NCOR2: variants seen among roughly 807,000 people sequenced by gnomAD.
NCOR2 encodes the protein CTG repeat protein 26.
A neutral mutation model predicts 262.9 loss-of-function variants in NCOR2; 81 were observed. The observed-to-expected ratio is 0.31, with a 90% confidence interval of 0.26 to 0.37. The LOEUF is 0.37. Ranked by LOEUF, NCOR2 falls within the 10% of genes least tolerant of loss-of-function variation. The probability of loss-of-function intolerance (pLI) is 1.00; values close to 1 mark genes in which losing one functional copy is unlikely to be tolerated. For synonymous variants in NCOR2, 1,659 were observed against 1,559.3 expected (o/e 1.06, Z -1.51); for missense variants, 3,385 against 3,621.4 (o/e 0.93, Z 1.68).
chr12:124,518,254 C>G (rs1241166048), intron 1 of NCOR2: 5 of 152,656 alleles, frequency 3.3e-5, no homozygotes, highest in Non-Finnish European at 5.9e-5. Flanking sequence ...CAGCAGAGTC[C>G]ACACACACAG....
At chr12:124,461,682 C>G (rs1464893615) in intron 5 of NCOR2, among the ~76,000 whole-genome samples, 1 of 152,262 alleles carries the variant, frequency 6.6e-6, no homozygotes, top group African/African-American at 2.4e-5. Context: ...ACCCGCCCCA[C>G]ACCCGCCATC....
chr12:124,494,708 T>TA (rs2136902286), intron 1 of NCOR2, among the ~76,000 whole-genome samples: 1 of 152,124 alleles, frequency 6.6e-6, no homozygotes, highest in East Asian at 1.9e-4. Flanking sequence ...CCAAGGTGAA[T>TA]ACACACGGAA....
rs2035959893 is a variant in NCOR2 at position 124,337,189 on chromosome 12, G to A, written c.5688-9C>T. On this transcript the variant is annotated splice_polypyrimidine_tract_variant and intron_variant, in intron 37 of 46. Coordinates refer to ENST00000405201, the Ensembl canonical transcript of NCOR2. ...AGGAGGTGGAGGTGGACCTGGGGGAGGAGAGAAGGCGGTCAGGCAGTCATG... is the reference window on the plus strand; with the variant it reads ...AGGAGGTGGAGGTGGACCTGGGGGAAGAGAGAAGGCGGTCAGGCAGTCATG... 6.5e-7 allele frequency: 1 copy of A among 1,545,146 alleles called. No individual in the cohort carries two copies. Among genetic ancestry groups the A allele is most frequent in the South Asian group, 1.2e-5 (1 of 83,502 alleles).
intron 1 of NCOR2, among the ~76,000 whole-genome samples, chr12:124,544,077 TCTGCCCGGCACCCC>T (rs1566045621): frequency 3.3e-5 from 5 of 152,146 alleles, no homozygotes; most frequent in South Asian, 2.1e-4. Flanking sequence ...CGACGCCGCC[TCTGCCCGGCACCCC>T]CTGCCCGGGG....
In NCOR2 at chr12:124,327,381, G is replaced by A. The variant is rs368176928; in HGVS notation, c.7183+28C>T. The A allele has an allele frequency of 1.6e-4, 245 of 1,549,150 alleles. 1 individual carries two copies. The African/African-American group carries it at 2.6e-3, about 16-fold the overall frequency. ...AATCACACCGGGGGTGGGGACAGAC[G>A]GGGGCGGGGCGGGGGTGGCCTGCAG... is the stretch of plus-strand genomic sequence containing the variant. On this transcript the variant is annotated intron_variant, in intron 45 of 46. Coordinates refer to ENST00000405201, the Ensembl canonical transcript of NCOR2.
intron 38 of NCOR2, chr12:124,336,426 G>T: frequency 3.8e-6 from 1 of 260,956 alleles, no homozygotes; most frequent in Non-Finnish European, 6.9e-6. Context: ...AAAAAACCAT[G>T]GTAAAATGAT....
At chr12:124,343,149 T>C (rs2036595792) in exon 33 of NCOR2, 2 of 1,611,782 alleles carry the variant, frequency 1.2e-6, no homozygotes, top group South Asian at 1.1e-5. Flanking sequence ...GGCACGGTGC[T>C]GTGCGGGGAC....
At chr12:124,424,717 C>G (rs896238193) in intron 11 of NCOR2, among the ~76,000 whole-genome samples, 1 of 152,228 alleles carries the variant, frequency 6.6e-6, no homozygotes, top group Non-Finnish European at 1.5e-5. Context: ...GGGGCCACAA[C>G]CCTGGACCAA....
At chr12:124,376,971 G>A (rs2040054163) in intron 18 of NCOR2, among the ~76,000 whole-genome samples, 1 of 152,188 alleles carries the variant, frequency 6.6e-6, no homozygotes, top group South Asian at 2.1e-4. Flanking sequence ...GGGGCCTTCG[G>A]TCACGCCACA....
chr12:124,370,480 C>T (rs2039408974), intron 20 of NCOR2, among the ~76,000 whole-genome samples: 1 of 152,192 alleles, frequency 6.6e-6, no homozygotes, highest in Non-Finnish European at 1.5e-5. Context: ...TTTCCTCCCT[C>T]GCTTGCTCTG....
chr12:124,508,634 A>G (rs972203517), intron 1 of NCOR2, among the ~76,000 whole-genome samples: 2 of 152,214 alleles, frequency 1.3e-5, no homozygotes, highest in African/African-American at 4.8e-5. Context: ...CTGATGTTCC[A>G]GACCCTGCTG....
chr12:124,398,292 T>A (rs2041805025), intron 15 of NCOR2, 111 bp from the exon 18 acceptor site: 1 of 1,184,914 alleles, frequency 8.4e-7, no homozygotes, highest in South Asian at 1.2e-5. Context: ...CTTGACGGTG[T>A]CACCGCACGG....
intron 11 of NCOR2, among the ~76,000 whole-genome samples, chr12:124,425,140 C>T (rs573024360): frequency 6.6e-6 from 1 of 152,144 alleles, no homozygotes; most frequent in Non-Finnish European, 1.5e-5. Flanking sequence ...TTTGGGAGGC[C>T]GAGACGGGCG....
At chr12:124,444,403 A>T (rs1391485793) in intron 7 of NCOR2, among the ~76,000 whole-genome samples, 1 of 152,166 alleles carries the variant, frequency 6.6e-6, no homozygotes, top group East Asian at 1.9e-4. Context: ...GGGCAGGATA[A>T]GGAGGCAGGA....
chr12:124,486,652 G>A, intron 1 of NCOR2, 84 bp from the exon 4 acceptor site: 1 of 1,460,000 alleles, frequency 6.8e-7, no homozygotes, highest in Non-Finnish European at 9.1e-7. Context: ...CAAGGCCGTG[G>A]ACTCCCTGCT....
intron 8 of NCOR2, among the ~76,000 whole-genome samples, chr12:124,431,475 G>GAC (rs377327366): frequency 7.1e-6 from 1 of 141,756 alleles, no homozygotes; most frequent in South Asian, 2.3e-4. Context: ...TACACAGAGA[G>GAC]ACACACACAC....
At chr12:124,325,821 C>T (rs879026830) in intron 46 of NCOR2, among the ~76,000 whole-genome samples, 22 of 152,278 alleles carry the variant, frequency 1.4e-4, no homozygotes, top group African/African-American at 4.1e-4. Context: ...GCCTATTCAC[C>T]GTCCCTCTGG....
chr12:124,371,928 C>G, intron 20 of NCOR2, 94 bp downstream of exon 22: 1 of 1,292,348 alleles, frequency 7.7e-7, no homozygotes, highest in Non-Finnish European at 1.0e-6. Context: ...CCAAAGCAGG[C>G]AGAGCCAGAC....
At chr12:124,459,904 G>A (rs1322896087) in intron 5 of NCOR2, among the ~76,000 whole-genome samples, 1 of 152,116 alleles carries the variant, frequency 6.6e-6, no homozygotes, top group African/African-American at 2.4e-5. Flanking sequence ...CCTGCACACT[G>A]AAAGCCACTA....
Sources: allele counts gnomAD v4.1 joint callset (sites outside exome capture counted in the v4.1 genomes callset), GRCh38; gene constraint gnomAD v4.1.1; transcripts MANE v1.5; gene names NCBI Gene and HGNC (gene_info 2026-07-23, HGNC 2026-07-21).